The following RARB variants were observed in gnomAD, a reference collection of about 807,000 sequenced individuals.
RARB encodes HBV-activated protein.
RARB carries 17 observed loss-of-function variants against 51.9 expected under a neutral mutation model. The ratio of observed to expected loss-of-function variants is 0.33; its 90% CI spans 0.22 to 0.49. The LOEUF is 0.49. RARB is among the 20% of genes least tolerant of loss of function. The pLI is 0.99. For synonymous variants in RARB, 215 were observed against 195.4 expected, an observed-to-expected ratio of 1.10 and a Z score of -0.84; for missense variants, 369 against 550.8, an observed-to-expected ratio of 0.67 and a Z score of 3.30.
At chr3:25,301,471 A>C (rs1704036664) in intron 5 of RARB, among the ~76,000 whole-genome samples, 1 of 152,190 alleles carries the variant, frequency 6.6e-6, no homozygotes, top group Non-Finnish European at 1.5e-5. Flanking sequence ...TCTCGTTATA[A>C]CCATAAGGTC....
chr3:25,445,403 G>A (rs968072631), intron 1 of RARB, among the ~76,000 whole-genome samples: 23 of 152,142 alleles, frequency 1.5e-4, no homozygotes, highest in Non-Finnish European at 1.3e-4. Context: ...CATAGCTCAC[G>A]CCTGTAATCC....
intron 2 of RARB, among the ~76,000 whole-genome samples, chr3:25,022,170 C>T (rs1001588730): frequency 5.3e-5 from 8 of 152,152 alleles, no homozygotes; most frequent in African/African-American, 1.7e-4. Context: ...GTAACGAAAT[C>T]GTAAATGTAC....
At chr3:25,192,178 G>A (rs1343651647) in intron 5 of RARB, among the ~76,000 whole-genome samples, 1 of 152,020 alleles carries the variant, frequency 6.6e-6, no homozygotes, top group African/African-American at 2.4e-5. Flanking sequence ...AACCTTGTTG[G>A]TATGATTCTC....
intron 5 of RARB, among the ~76,000 whole-genome samples, chr3:25,314,301 A>C (rs1704364173): frequency 6.6e-6 from 1 of 152,180 alleles, no homozygotes; most frequent in Non-Finnish European, 1.5e-5. Flanking sequence ...AAGCAGAAAT[A>C]TAATTGTCTT....
intron 2 of RARB, among the ~76,000 whole-genome samples, chr3:24,946,683 A>T (rs879335253): frequency 2.6e-5 from 4 of 152,124 alleles, no homozygotes; most frequent in Admixed American, 2.6e-4. Context: ...AGCTTAGGCA[A>T]CATAGTGAGA....
At chr3:25,413,037 G>A (rs1290801394) in intron 5 of RARB, among the ~76,000 whole-genome samples, 2 of 149,996 alleles carry the variant, frequency 1.3e-5, no homozygotes, top group Non-Finnish European at 3.0e-5. Flanking sequence ...AAAAAAAAAA[G>A]AAGAAGAAGA....
At chr3:25,519,558 A>G (rs1347458) in intron 3 of RARB, among the ~76,000 whole-genome samples, 29,339 of 152,130 alleles carry the variant, frequency 0.19, 5,476 homozygotes, top group African/African-American at 0.49. Flanking sequence ...AAATTTATTA[A>G]GTTAGAAAGT....
chr3:24,943,226 C>T (rs1170394808), intron 2 of RARB, among the ~76,000 whole-genome samples: 2 of 152,182 alleles, frequency 1.3e-5, no homozygotes, highest in South Asian at 2.1e-4. Context: ...TAACCAAAAG[C>T]ATCACATAAA....
At chr3:24,840,555 T>C (rs932858335) in intron 1 of RARB, among the ~76,000 whole-genome samples, 7 of 152,240 alleles carry the variant, frequency 4.6e-5, no homozygotes, top group Admixed American at 4.6e-4. Flanking sequence ...ATGGAAAAGA[T>C]ACATAAGTTC....
chr3:25,194,712 G>T (rs1402742990), intron 5 of RARB, among the ~76,000 whole-genome samples: 1 of 151,290 alleles, frequency 6.6e-6, no homozygotes, highest in Non-Finnish European at 1.5e-5. Context: ...TTATTGACCA[G>T]AAGAATGTAC....
intron 2 of RARB, among the ~76,000 whole-genome samples, chr3:25,482,178 G>T (rs1363749359): frequency 6.6e-6 from 1 of 152,162 alleles, no homozygotes; most frequent in African/African-American, 2.4e-5. Flanking sequence ...TAATGCTATG[G>T]AAACAGTCAT....
At chr3:24,864,415 CTT>C (rs1702811426) in intron 2 of RARB, among the ~76,000 whole-genome samples, 1 of 152,172 alleles carries the variant, frequency 6.6e-6, no homozygotes, top group Non-Finnish European at 1.5e-5. Flanking sequence ...CTCTTCCTTG[CTT>C]AGGCTCCATG....
rs372375135 is a variant in RARB at position 25,049,300 on chromosome 3, T to C, written c.-379-10825T>C. On this transcript the variant is annotated intron_variant, in intron 2 of 11. Transcript: ENST00000383772. ...GGTCCCTCTGCCAAATCTGAAGAAA[T>C]TTGTCTTCTGCTCCTACAGACTCTA... Among the ~76,000 whole-genome samples the C allele has an allele frequency of 2.4e-4, 37 of 152,236 alleles. No homozygotes were observed. The East Asian group carries it at 4.3e-3, about 17-fold the overall frequency.
chr3:25,442,848 A>C (rs953877420), intron 1 of RARB, among the ~76,000 whole-genome samples: 2 of 152,204 alleles, frequency 1.3e-5, no homozygotes, highest in Non-Finnish European at 2.9e-5. Context: ...CAATCAAATC[A>C]TGGAGACATA....
intron 2 of RARB, among the ~76,000 whole-genome samples, chr3:24,893,075 C>T (rs73823018): frequency 8.5e-4 from 130 of 152,234 alleles, no homozygotes; most frequent in African/African-American, 2.9e-3. Flanking sequence ...GGCTAAAATC[C>T]CTTTGATATT....
At chr3:24,860,973 C>T (rs999923903) in intron 2 of RARB, among the ~76,000 whole-genome samples, 2 of 152,126 alleles carry the variant, frequency 1.3e-5, no homozygotes, top group Non-Finnish European at 2.9e-5. Flanking sequence ...TTGTGAAACT[C>T]ACACAATGAC....
exon 5 of RARB, chr3:25,174,254 T>C: frequency 1.9e-6 from 1 of 524,318 alleles, no homozygotes; most frequent in Non-Finnish European, 3.1e-6. Context: ...AGAAGCAAGG[T>C]CATCAGTTGA....
rs1695395525 is a variant in RARB at position 25,465,686 on chromosome 3, C to A, written c.306+4345C>A. ...CAGCATTACCATGGCAGTATAACCACTAGACACACTGTAGGGATGCCCTGT... is the reference window on the plus strand; with the variant it reads ...CAGCATTACCATGGCAGTATAACCAATAGACACACTGTAGGGATGCCCTGT... On this transcript the variant is annotated intron_variant, in intron 2 of 7. Coordinates refer to ENST00000330688, the MANE Select transcript of RARB (RefSeq NM_000965.5). 2.0e-5 allele frequency among the ~76,000 whole-genome samples: 3 copies of A among 152,138 alleles called. 1 individual carries two copies. The highest frequency in any genetic ancestry group is 2.0e-4 in the Admixed American group (3 of 15,266).
intron 2 of RARB, among the ~76,000 whole-genome samples, chr3:25,009,357 T>C (rs1422785291): frequency 2.6e-5 from 4 of 152,136 alleles, no homozygotes; most frequent in African/African-American, 9.7e-5. Context: ...TTTTTTACAT[T>C]GAAAATATTC....
Sources: allele counts gnomAD v4.1 joint callset (sites outside exome capture counted in the v4.1 genomes callset), GRCh38; gene constraint gnomAD v4.1.1; transcripts MANE v1.5; gene names NCBI Gene and HGNC (gene_info 2026-07-23, HGNC 2026-07-21).